Variants in RPA3 observed in about 807,000 individuals in gnomAD.
The protein encoded by RPA3 is replication protein A 14 kDa subunit.
In RPA3, 24 loss-of-function variants were observed where a neutral mutation model predicts 13.7. The ratio of observed to expected loss-of-function variants is 1.75; its 90% confidence interval spans 1.27 to 2.46. The LOEUF (loss-of-function observed/expected upper bound fraction) is 2.46. Ranked by LOEUF, RPA3 falls within the 30% of genes most tolerant of loss-of-function variation. The pLI, the probability that RPA3 is intolerant of heterozygous loss-of-function variation, is 0.00. For missense variants in RPA3, 183 were observed against 151.0 expected, an observed-to-expected ratio of 1.21 and a Z score of -1.11; for synonymous variants, 59 against 51.2, an observed-to-expected ratio of 1.15 and a Z score of -0.65.
intron 4 of RPA3, among the ~76,000 whole-genome samples, chr7:7,671,762 C>T (rs1779610427): frequency 6.6e-6 from 1 of 151,970 alleles, no homozygotes; most frequent in Non-Finnish European, 1.5e-5. Context: ...TCATTAGAGG[C>T]CATCTCTCCT....
Position 7,637,959 on chromosome 7 carries a change from A to T in RPA3, c.188T>A (p.Ile63Asn), listed in dbSNP as rs1467298995. Residue 63 changes from isoleucine (I) to asparagine (N), a missense_variant, in exon 7 of 8, where the codon ATC (isoleucine) becomes AAC (asparagine). Ile to Asn is a moderately radical substitution (Grantham distance 149). Coordinates refer to ENST00000223129, the MANE Select transcript of RPA3 (RefSeq NM_002947.5). The stretch of plus-strand genomic sequence containing the variant: ...TCCAACCACTTCCACAATTCCAGAG[A>T]TTTCTTCATCAAGCTAAGACACAGA... ...IELMEPLDEE[I>N]SGIVEVVGRV... The T allele has an allele frequency of 6.2e-7, 1 of 1,613,210 alleles. No individual in the cohort carries two copies. Among genetic ancestry groups the T allele is most frequent in the Admixed American group, 1.7e-5 (1 of 59,998 alleles).
chr7:7,647,612 A>G (rs572910546), intron 4 of RPA3, among the ~76,000 whole-genome samples: 56 of 152,228 alleles, frequency 3.7e-4, no homozygotes, highest in African/African-American at 1.3e-3. Flanking sequence ...TGCTATATAT[A>G]TACATTTCTT....
intron 4 of RPA3, among the ~76,000 whole-genome samples, chr7:7,662,559 C>G (rs1269708651): frequency 2.6e-5 from 4 of 152,192 alleles, no homozygotes; most frequent in African/African-American, 4.8e-5. Context: ...CTTCCCTTGG[C>G]TAGGGGAGGG....
Position 7,640,338 on chromosome 7 carries a change from G to A in RPA3, c.81C>T (p.Phe27=), listed in dbSNP as rs746700518. 1 of 1,613,988 alleles carries A rather than the reference G, an allele frequency of 6.2e-7. No homozygotes were observed. Among genetic ancestry groups the A allele is most frequent in the Non-Finnish European group, 8.5e-7 (1 of 1,179,954 alleles). ...CGCACACCTTTTCCAGCCTCCCTAC[G>A]AAGCAGACAGGCTTGTCGATGAATT... ...LAQFIDKPVC[F]VGRLEKIHPT... The change falls in exon 5 of 8, where the codon TTC becomes TTT. Residue 27 remains phenylalanine, a synonymous_variant. Transcript: ENST00000223129.
chr7:7,691,088 G>C (rs902404091), intron 2 of RPA3, among the ~76,000 whole-genome samples: 2 of 152,146 alleles, frequency 1.3e-5, no homozygotes, highest in Admixed American at 6.6e-5. Flanking sequence ...CTGGAACTGA[G>C]CAGAAGTGTT....
chr7:7,698,269 C>T (rs981716189), intron 2 of RPA3, among the ~76,000 whole-genome samples: 3 of 152,084 alleles, frequency 2.0e-5, no homozygotes, highest in African/African-American at 7.2e-5. Context: ...GAGAAGATTG[C>T]AAAATATAAC....
At chr7:7,657,190 T>C (rs1249822597) in intron 4 of RPA3, among the ~76,000 whole-genome samples, 1 of 152,234 alleles carries the variant, frequency 6.6e-6, no homozygotes, top group African/African-American at 2.4e-5. Context: ...TTGTTTAAAT[T>C]CTTTCTAGAG....
chr7:7,667,248 G>A (rs528296201), intron 4 of RPA3, among the ~76,000 whole-genome samples: 1 of 152,254 alleles, frequency 6.6e-6, no homozygotes, highest in East Asian at 1.9e-4. Context: ...ATAAAATTTG[G>A]TATGTTTCCT....
intron 2 of RPA3, among the ~76,000 whole-genome samples, chr7:7,713,998 C>G (rs1780829994): frequency 6.6e-6 from 1 of 152,102 alleles, no homozygotes. Flanking sequence ...CCACACCTGC[C>G]CCACACGTTT....
At chr7:7,686,726 C>G (rs934414020) in intron 3 of RPA3, among the ~76,000 whole-genome samples, 1 of 152,188 alleles carries the variant, frequency 6.6e-6, no homozygotes. Flanking sequence ...CTACTAGTCC[C>G]TCAATATCTG....
intron 2 of RPA3, among the ~76,000 whole-genome samples, chr7:7,707,710 G>A (rs1420170124): frequency 6.6e-6 from 1 of 152,144 alleles, no homozygotes; most frequent in Non-Finnish European, 1.5e-5. Flanking sequence ...GCTATTCTTA[G>A]TGTTAATATA....
chr7:7,641,648 G>A, intron 4 of RPA3: 1 of 152,228 alleles, frequency 6.6e-6, no homozygotes, highest in East Asian at 1.9e-4. Flanking sequence ...GTGACCCGAA[G>A]CCGGCGGCCT....
intron 2 of RPA3, among the ~76,000 whole-genome samples, chr7:7,707,259 A>G (rs1355797815): frequency 6.6e-6 from 1 of 152,270 alleles, no homozygotes; most frequent in African/African-American, 2.4e-5. Flanking sequence ...TGCCTACAAT[A>G]TTAATATGGA....
intron 4 of RPA3, among the ~76,000 whole-genome samples, chr7:7,661,483 G>A (rs1311324371): frequency 6.6e-6 from 1 of 152,158 alleles, no homozygotes; most frequent in Non-Finnish European, 1.5e-5. Context: ...TGACCTTTCA[G>A]TGGGGTTTCT....
chr7:7,696,312 A>C (rs182889586), intron 2 of RPA3, among the ~76,000 whole-genome samples: 200 of 151,622 alleles, frequency 1.3e-3, no homozygotes, highest in African/African-American at 4.4e-3. Flanking sequence ...AAAAAAAAAA[A>C]CACCCCAAAA....
intron 2 of RPA3, among the ~76,000 whole-genome samples, chr7:7,713,577 G>A (rs1240274396): frequency 2.6e-5 from 4 of 151,672 alleles, no homozygotes; most frequent in African/African-American, 9.7e-5. Flanking sequence ...TTTATTTTCT[G>A]TTTCATCATT....
intron 4 of RPA3, among the ~76,000 whole-genome samples, chr7:7,647,138 A>G (rs1048572589): frequency 1.3e-5 from 2 of 152,204 alleles, no homozygotes; most frequent in Admixed American, 1.3e-4. Flanking sequence ...TTAGATCACT[A>G]TAGTTATCTT....
At chr7:7,648,191 G>C (rs1383754793) in intron 4 of RPA3, among the ~76,000 whole-genome samples, 1 of 152,152 alleles carries the variant, frequency 6.6e-6, no homozygotes, top group Non-Finnish European at 1.5e-5. Context: ...ATTTCCATTA[G>C]GACTTAATTG....
intron 2 of RPA3, among the ~76,000 whole-genome samples, chr7:7,699,871 A>G (rs1780414592): frequency 2.6e-5 from 4 of 152,334 alleles, no homozygotes; most frequent in Non-Finnish European, 5.9e-5. Flanking sequence ...TATAAGTAAT[A>G]CTGTTTATAT....
Sources: gnomAD v4.1 joint callset for allele counts (sites outside exome capture counted in the v4.1 genomes callset) on GRCh38, gnomAD v4.1.1 for gene constraint, MANE v1.5 for transcripts, NCBI Gene and HGNC (gene_info 2026-07-23, HGNC 2026-07-21) for gene names.